The following NOSTRIN variants were observed in gnomAD, a reference collection of about 807,000 sequenced individuals.
NOSTRIN encodes nitric oxide synthase trafficking.
A neutral mutation model predicts 59.0 loss-of-function variants in NOSTRIN; 63 were observed. The observed-to-expected ratio is 1.07, with a 90% confidence interval of 0.87 to 1.32. The LOEUF is 1.32. Among genes scored for constraint, NOSTRIN ranks in the 40% most tolerant of loss-of-function variants. NOSTRIN has a pLI of 0.00. For synonymous variants in NOSTRIN, 200 were observed against 165.4 expected, an observed-to-expected ratio of 1.21 and a Z score of -1.61; for missense variants, 512 against 473.1, an observed-to-expected ratio of 1.08 and a Z score of -0.76.
chr2:168,806,727 G>A (rs893071822), intron 1 of NOSTRIN, among the ~76,000 whole-genome samples: 2 of 152,102 alleles, frequency 1.3e-5, no homozygotes, highest in Non-Finnish European at 2.9e-5. Flanking sequence ...GAATTCATAT[G>A]GAGATGTAGA....
intron 10 of NOSTRIN, among the ~76,000 whole-genome samples, chr2:168,853,081 CATG>C (rs1467415450): frequency 1.3e-5 from 2 of 152,108 alleles, no homozygotes; most frequent in African/African-American, 2.4e-5. Flanking sequence ...AGGAGGCAGC[CATG>C]ATGACTTCTC....
In NOSTRIN at chr2:168,837,268, T is replaced by A. The variant is rs146254018; in HGVS notation, c.504+2943T>A. On this transcript the variant is annotated intron_variant, in intron 7 of 15. Coordinates refer to ENST00000317647, the MANE Select transcript of NOSTRIN (RefSeq NM_001039724.4). The stretch of plus-strand genomic sequence containing the variant: ...TGTCATGTCTCCTTTTTACAATACA[T>A]CTTTTTTTTTTATAATACACTTTTT... Among the ~76,000 whole-genome samples the A allele has an allele frequency of 2.0e-5, 3 of 147,336 alleles. No homozygotes were observed. The East Asian group carries it at 6.3e-4, about 31-fold the overall frequency.
At chr2:168,837,665 C>A (rs974280746) in intron 7 of NOSTRIN, among the ~76,000 whole-genome samples, 1 of 152,122 alleles carries the variant, frequency 6.6e-6, no homozygotes, top group Non-Finnish European at 1.5e-5. Context: ...TCCTCATCTT[C>A]TGTTCACTCT....
rs375463497 is a variant in NOSTRIN, at chr2:168,828,785, C to T, written c.342+284C>T. ...TAAATTCAAGCAATAGAATAATTTG[C>T]AATGATTCAAAATCTTATTGTAGAA... On this transcript the variant is annotated intron_variant, in intron 5 of 15. Transcript: ENST00000317647. Among the ~76,000 whole-genome samples, 8 of 151,986 alleles carry T rather than the reference C, an allele frequency of 5.3e-5. No homozygotes were observed. The East Asian group carries it at 1.5e-3, about 29-fold the overall frequency.
At chr2:168,836,390 C>T (rs1209089208) in intron 7 of NOSTRIN, among the ~76,000 whole-genome samples, 1 of 152,250 alleles carries the variant, frequency 6.6e-6, no homozygotes, top group African/African-American at 2.4e-5. Context: ...TCTCTCCTCT[C>T]CTCCAGCTGG....
intron 1 of NOSTRIN, among the ~76,000 whole-genome samples, chr2:168,809,751 T>C (rs1456975192): frequency 6.8e-6 from 1 of 147,830 alleles, no homozygotes; most frequent in Non-Finnish European, 1.5e-5. Context: ...AAAATATTTA[T>C]ATATTAAATA....
intron 2 of NOSTRIN, among the ~76,000 whole-genome samples, chr2:168,820,507 C>G (rs559538487): frequency 4.9e-4 from 74 of 152,226 alleles, no homozygotes; most frequent in African/African-American, 1.6e-3. Flanking sequence ...TGGACAGTCT[C>G]TTTAGGTGCA....
intron 2 of NOSTRIN, among the ~76,000 whole-genome samples, chr2:168,822,638 A>G (rs1386297874): frequency 3.3e-5 from 5 of 152,344 alleles, no homozygotes; most frequent in African/African-American, 1.2e-4. Context: ...AATTCCCTAC[A>G]TTTTTATTCT....
chr2:168,858,931 AACAG>A (rs1689276943), intron 12 of NOSTRIN, among the ~76,000 whole-genome samples: 1 of 152,226 alleles, frequency 6.6e-6, no homozygotes, highest in Admixed American at 6.5e-5. Context: ...TCATATCAAG[AACAG>A]ACAGAGACTA....
chr2:168,811,475 T>A (rs547047003), intron 1 of NOSTRIN, 92 bp from the exon 2 acceptor site: 3 of 558,152 alleles, frequency 5.4e-6, no homozygotes, highest in African/African-American at 3.9e-5. Context: ...GTCATAGTTA[T>A]AGTAGTTTTC....
At chr2:168,795,245 C>CTCTA (rs1685449911), upstream of NOSTRIN, among the ~76,000 whole-genome samples, 1 of 152,192 alleles carries the variant, frequency 6.6e-6, no homozygotes, top group Non-Finnish European at 1.5e-5. Context: ...ACTAAAACGA[C>CTCTA]TCTATACTAG....
intron 15 of NOSTRIN, among the ~76,000 whole-genome samples, chr2:168,862,592 G>A (rs1330606579): frequency 1.3e-5 from 2 of 152,216 alleles, no homozygotes; most frequent in Admixed American, 6.5e-5. Flanking sequence ...TCCCAGCTTA[G>A]TGCTGGTCTC....
intron 7 of NOSTRIN, among the ~76,000 whole-genome samples, 182 bp downstream of exon 7, chr2:168,834,507 G>GCGCGCGCGCACACACACACA (rs756381301): frequency 4.9e-4 from 62 of 125,426 alleles, no homozygotes; most frequent in East Asian, 1.2e-3. Flanking sequence ...GCGCGCGCGC[G>GCGCGCGCGCACACACACACA]CACACACACA....
intron 10 of NOSTRIN, among the ~76,000 whole-genome samples, chr2:168,853,603 C>T (rs1688900460): frequency 6.6e-6 from 1 of 152,162 alleles, no homozygotes; most frequent in Non-Finnish European, 1.5e-5. Flanking sequence ...CCAAGGGAAG[C>T]CTTGGACTGG....
At chr2:168,819,325 T>C (rs754794731) in intron 2 of NOSTRIN, among the ~76,000 whole-genome samples, 68 of 152,182 alleles carry the variant, frequency 4.5e-4, no homozygotes, top group Middle Eastern at 6.3e-3. Flanking sequence ...CCTGAAAGGA[T>C]ACATATACTG....
chr2:168,828,105 A>T (rs571011623), intron 3 of NOSTRIN, 53 bp from the exon 4 acceptor site: 51 of 867,792 alleles, frequency 5.9e-5, no homozygotes, highest in Non-Finnish European at 9.2e-5. Context: ...AGCACATCCT[A>T]TTTCCTAGGA....
At chr2:168,796,391 G>A (rs531336188), upstream of NOSTRIN, among the ~76,000 whole-genome samples, 165 of 152,302 alleles carry the variant, frequency 1.1e-3, no homozygotes, top group African/African-American at 3.6e-3. Flanking sequence ...CTTAACCGCT[G>A]GACCCCAGCA....
At chr2:168,787,077 A>G (rs1247098490) in intron 1 of NOSTRIN, 8 of 152,140 alleles carry the variant, frequency 5.3e-5, no homozygotes, top group African/African-American at 7.2e-5. Flanking sequence ...CTGCGGACCC[A>G]TAAGGATTCG....
chr2:168,828,289 A>G (rs1369124680), intron 4 of NOSTRIN, 69 bp downstream of exon 4: 5 of 871,426 alleles, frequency 5.7e-6, no homozygotes, highest in African/African-American at 1.6e-5. Flanking sequence ...GGTTTGCTAC[A>G]AATATTCCAC....
Sources: allele counts gnomAD v4.1 joint callset (sites outside exome capture counted in the v4.1 genomes callset), GRCh38; gene constraint gnomAD v4.1.1; transcripts MANE v1.5; gene names NCBI Gene and HGNC (gene_info 2026-07-23, HGNC 2026-07-21).